Variants in SNED1 observed in about 807,000 individuals in gnomAD.
SNED1 encodes the protein sushi, nidogen and EGF like domains 1.
SNED1 carries 81 observed loss-of-function variants against 166.7 expected under a neutral mutation model. The ratio of observed to expected loss-of-function variants is 0.49; its 90% CI spans 0.41 to 0.58. SNED1 has a LOEUF of 0.58. Among genes scored for constraint, SNED1 ranks in the 20% least tolerant of loss-of-function variants. The pLI, the probability that SNED1 is intolerant of heterozygous loss-of-function variation, is 0.00. For missense variants in SNED1, 1,604 were observed against 2,000.2 expected, an observed-to-expected ratio of 0.80 and a Z score of 3.78; for synonymous variants, 762 against 822.0, an observed-to-expected ratio of 0.93 and a Z score of 1.25.
chr2:241,046,516 A>G (rs918692004), intron 8 of SNED1, among the ~76,000 whole-genome samples: 6 of 152,232 alleles, frequency 3.9e-5, no homozygotes, highest in African/African-American at 9.6e-5. Context: ...GATGGATCTC[A>G]GGGGAATTAT....
At chr2:241,063,346 C>A in intron 17 of SNED1, 1 of 553,640 alleles carries the variant, frequency 1.8e-6, no homozygotes, top group South Asian at 2.0e-5. Flanking sequence ...CCTCCCATTG[C>A]GGAGTGGCCT....
At position 241,087,382 on chromosome 2, in the gene SNED1, G is replaced by A. The variant is rs1300802597; in HGVS notation, c.4122-10G>A. The A allele has an allele frequency of 6.3e-7, 1 of 1,587,642 alleles. No individual in the cohort carries two copies. The highest frequency in any genetic ancestry group is 1.3e-5 in the African/African-American group (1 of 74,372). The stretch of plus-strand genomic sequence containing the variant: ...CTGTCTGGTTTTACAAAGCTTTCTT[G>A]TGACAACAGGTATAAAAGAGTCTAC... On this transcript the variant is annotated splice_polypyrimidine_tract_variant and intron_variant, in intron 29 of 31. Coordinates refer to ENST00000310397, the MANE Select transcript of SNED1 (RefSeq NM_001080437.3).
At chr2:241,086,916 G>T (rs1023898381) in intron 29 of SNED1, among the ~76,000 whole-genome samples, 13 of 152,216 alleles carry the variant, frequency 8.5e-5, no homozygotes, top group Non-Finnish European at 1.3e-4. Context: ...AAGTAGCCTG[G>T]TTAATAAATG....
chr2:241,072,119 G>A (rs1382405589), intron 26 of SNED1: 4 of 697,992 alleles, frequency 5.7e-6, no homozygotes, highest in Non-Finnish European at 1.0e-5. Context: ...TGGAGGCGCA[G>A]GCTGCTGGTA....
intron 1 of SNED1, among the ~76,000 whole-genome samples, chr2:241,000,168 C>G (rs565302819): frequency 6.6e-6 from 1 of 152,196 alleles, no homozygotes; most frequent in African/African-American, 2.4e-5. Flanking sequence ...CGTCACCATC[C>G]ACATCCTCTG....
Position 241,067,703 on chromosome 2 carries a change from C to G in SNED1, c.3011-61C>G, listed in dbSNP as rs1013408654. 136 of 1,445,180 alleles carry G rather than the reference C, an allele frequency of 9.4e-5. No individual in the cohort carries two copies. The African/African-American group carries it at 9.8e-4, about 10-fold the overall frequency. 89.5% of individuals were successfully genotyped at this position (1,445,180 alleles called of 1,614,324 possible). A position where few individuals can be genotyped will look rare whatever the true frequency, so the allele number is the denominator to read the frequency against. The stretch of plus-strand genomic sequence containing the variant: ...TCCCAAGCCTGGTTTCATCTTGAGC[C>G]CCTGCACTCCCCCAGGAGCAAGGAG... On this transcript the variant is annotated intron_variant, in intron 21 of 31. Coordinates refer to ENST00000310397, the MANE Select transcript of SNED1 (RefSeq NM_001080437.3).
At position 241,087,635 on chromosome 2, in the gene SNED1, CTG is replaced by C. The variant is rs1374065371; in HGVS notation, c.4205+162_4205+163del. The C allele has an allele frequency of 2.8e-6, 4 of 1,438,268 alleles. No homozygotes were observed. In the African/African-American group the frequency reaches 4.3e-5, roughly 16 times the overall value. 89.1% of individuals were successfully genotyped at this position (1,438,268 alleles called of 1,614,324 possible). On this transcript the variant is annotated intron_variant, in intron 30 of 31. Transcript: ENST00000310397. ...TGGGCAGCCACGTTCTGCTACGAAA[CTG>C]TATGTCCATATATGTGCATGTGAGC...
At chr2:241,065,935 G>A (rs2062428190) in intron 21 of SNED1, among the ~76,000 whole-genome samples, 2 of 152,016 alleles carry the variant, frequency 1.3e-5, no homozygotes, top group African/African-American at 4.8e-5. Flanking sequence ...GTGGGAGACA[G>A]GGGCCGCGGG....
intron 2 of SNED1, 178 bp from the exon 3 acceptor site, chr2:241,033,556 AC>A (rs762956883): frequency 1.1e-4 from 69 of 634,484 alleles, no homozygotes; most frequent in Admixed American, 2.9e-4. Context: ...GCGCTGGGAG[AC>A]AGCAGAGGAT....
intron 8 of SNED1, among the ~76,000 whole-genome samples, chr2:241,047,051 G>A (rs2125073704): frequency 6.6e-6 from 1 of 150,902 alleles, no homozygotes; most frequent in East Asian, 2.0e-4. Flanking sequence ...GCTGAGGCAG[G>A]AGAATCACTT....
At chr2:241,090,052 A>G (rs1173480540) in intron 31 of SNED1, 2 of 1,539,094 alleles carry the variant, frequency 1.3e-6, no homozygotes, top group Non-Finnish European at 1.8e-6. Context: ...GTCCTGCAAT[A>G]AGAAATTAAC....
intron 1 of SNED1, chr2:241,010,124 C>T (rs1295162196): frequency 2.6e-5 from 4 of 152,254 alleles, no homozygotes; most frequent in African/African-American, 7.2e-5. Flanking sequence ...AGCAGGGAAC[C>T]GCAGAGCCGC....
rs1017850473 is a variant in SNED1, at chr2:241,092,973, C to T, written c.*1337C>T. 37 of 152,272 alleles carry T rather than the reference C, an allele frequency of 2.4e-4. No individual in the cohort carries two copies. The highest frequency in any genetic ancestry group is 8.7e-4 in the African/African-American group (36 of 41,456). 9.4% of individuals were successfully genotyped at this position (152,272 alleles called of 1,614,324 possible). ...CTGCTCAGAGCCAGCATTCCAGCCACAAAGAGGGCCTCCTTCCTTTCCTCT... is the reference window on the plus strand; with the variant it reads ...CTGCTCAGAGCCAGCATTCCAGCCATAAAGAGGGCCTCCTTCCTTTCCTCT... On this transcript the variant is annotated 3_prime_UTR_variant, in exon 32 of 32. Transcript: ENST00000310397. The surrounding 1 kb of genome is among the most constrained non-coding windows in gnomAD (Gnocchi z 4.6).
intron 27 of SNED1, chr2:241,074,609 C>T (rs921835698): frequency 6.6e-6 from 1 of 152,154 alleles, no homozygotes; most frequent in African/African-American, 2.4e-5. Flanking sequence ...GAGGTCACCA[C>T]GGTCATGTGG....
Position 241,053,285 on chromosome 2 carries a change from G to T in SNED1, c.2216G>T (p.Cys739Phe). The change falls in exon 16 of 32, where the codon TGC (cysteine) becomes TTC (phenylalanine). Residue 739 changes from cysteine (C) to phenylalanine (F), a missense_variant. Physicochemically the swap from Cys to Phe is radical, Grantham distance 205. This residue lies in a region of SNED1 where 1,237 missense variants were observed against 1,620.8 expected (regional missense o/e 0.76). Transcript: ENST00000310397. The part of the protein sequence containing the change: ...SLSAPSRIRV[C>F]QPHGVWSEPP... ...AGCGCCCCCAGCCGCATCCGGGTCT[G>T]CCAGCCACACGGTGTCTGGAGTGAG... The T allele has an allele frequency of 6.2e-7, 1 of 1,600,560 alleles. No homozygotes were observed.
chr2:241,065,674 G>A (rs574214449), intron 21 of SNED1, 79 bp downstream of exon 21: 90 of 1,270,278 alleles, frequency 7.1e-5, no homozygotes, highest in Non-Finnish European at 8.1e-5. Context: ...CCTGCAGGGC[G>A]GCTGTCATGC....
rs2064328750 is a variant in SNED1, at chr2:241,095,078, A to ACC, written c.*3444_*3445dup. On this transcript the variant is annotated 3_prime_UTR_variant, in exon 32 of 32. Coordinates refer to ENST00000310397, the MANE Select transcript of SNED1 (RefSeq NM_001080437.3). ...GTGACACGCCCCCCCCCCCCCCCAC[A>ACC]CCCACCTTGGGGGGTCACGGATTGC... 1 of 63,322 alleles carries ACC rather than the reference A, an allele frequency of 1.6e-5. No homozygotes were observed. The highest frequency in any genetic ancestry group is 4.8e-5 in the African/African-American group (1 of 20,806). The allele number at this position is 63,322 out of a possible 1,614,324, so 3.9% of individuals were successfully genotyped here.
At chr2:241,016,847 TTTC>T (rs1371752426) in intron 1 of SNED1, among the ~76,000 whole-genome samples, 1 of 143,878 alleles carries the variant, frequency 7.0e-6, no homozygotes, top group Admixed American at 7.5e-5. Flanking sequence ...TTTTTCTTTC[TTTC>T]TTTTTTTTTT....
Position 241,093,802 on chromosome 2 carries a change from T to C in SNED1, c.*2166T>C, listed in dbSNP as rs1235996319. 6.6e-6 allele frequency: 1 copy of C among 152,442 alleles called. No homozygotes were observed. The highest frequency in any genetic ancestry group is 1.5e-5 in the Non-Finnish European group (1 of 68,216). The allele number at this position is 152,442 out of a possible 1,614,324, so 9.4% of individuals were successfully genotyped here. ...CCACAGCTTTTCCCATGTGGCTTCTTTTAAAAACTCAAATGGCTTCCTTGA... is the reference window on the plus strand; with the variant it reads ...CCACAGCTTTTCCCATGTGGCTTCTCTTAAAAACTCAAATGGCTTCCTTGA... On this transcript the variant is annotated 3_prime_UTR_variant, in exon 32 of 32. Transcript: ENST00000310397.
Sources: allele counts gnomAD v4.1 joint callset (sites outside exome capture counted in the v4.1 genomes callset), GRCh38; gene constraint gnomAD v4.1.1; regional missense constraint gnomAD v4.1.1; non-coding constraint Gnocchi (gnomAD v3.1); transcripts MANE v1.5; gene names NCBI Gene and HGNC (gene_info 2026-07-23, HGNC 2026-07-21).